The following HPSE2 variants were observed in gnomAD, a reference collection of about 807,000 sequenced individuals.
HPSE2 encodes the protein heparanase 2 (inactive), also known as inactive heparanase-2.
In HPSE2, 38 loss-of-function variants were observed where a neutral mutation model predicts 60.5. That is an observed-to-expected ratio of 0.63 (90% CI 0.48 to 0.82). HPSE2 has a LOEUF of 0.82. HPSE2 is among the 40% of genes least tolerant of loss of function. HPSE2 has a pLI of 0.00. For synonymous variants in HPSE2, 295 were observed against 293.2 expected, an observed-to-expected ratio of 1.01 and a Z score of -0.06; for missense variants, 713 against 740.4, an observed-to-expected ratio of 0.96 and a Z score of 0.43.
At chr10:98,533,938 A>G (rs1170021361) in intron 9 of HPSE2, among the ~76,000 whole-genome samples, 1 of 152,194 alleles carries the variant, frequency 6.6e-6, no homozygotes, top group African/African-American at 2.4e-5. Context: ...GTCCTCAGAG[A>G]GCAATTAACC....
At chr10:98,837,562 T>C (rs967909480) in intron 3 of HPSE2, among the ~76,000 whole-genome samples, 1 of 151,918 alleles carries the variant, frequency 6.6e-6, no homozygotes, top group Non-Finnish European at 1.5e-5. Flanking sequence ...AGAGAAGAAA[T>C]GGGATCTAAG....
chr10:99,284,729 G>A, the HPSE2 span, among the ~76,000 whole-genome samples: 1 of 152,112 alleles, frequency 6.6e-6, no homozygotes, highest in South Asian at 2.1e-4. Flanking sequence ...TACGAATGTA[G>A]GTTTGTTACA....
intron 8 of HPSE2, among the ~76,000 whole-genome samples, chr10:98,618,872 T>G (rs1246555094): frequency 6.6e-6 from 1 of 152,106 alleles, no homozygotes; most frequent in Non-Finnish European, 1.5e-5. Context: ...CCACGGTGCC[T>G]GGCTGGGAGT....
intron 6 of HPSE2, among the ~76,000 whole-genome samples, chr10:98,692,452 C>T (rs1402125934): frequency 1.3e-5 from 2 of 151,764 alleles, no homozygotes; most frequent in Non-Finnish European, 2.9e-5. Context: ...GATCCTCTAG[C>T]TTACTCAATC....
chr10:99,080,210 T>TA (rs1843088177), intron 3 of HPSE2, among the ~76,000 whole-genome samples: 1 of 152,082 alleles, frequency 6.6e-6, no homozygotes, highest in Admixed American at 6.5e-5. Context: ...ATGTCTTATT[T>TA]AAAAAAATTC....
chr10:98,983,487 G>A (rs184889226), intron 3 of HPSE2, among the ~76,000 whole-genome samples: 66 of 152,316 alleles, frequency 4.3e-4, no homozygotes, highest in Non-Finnish European at 7.6e-4. Flanking sequence ...AATCCACAAC[G>A]TATGGAGATT....
chr10:99,130,997 G>C (rs987842553), intron 3 of HPSE2, among the ~76,000 whole-genome samples: 3 of 152,132 alleles, frequency 2.0e-5, no homozygotes, highest in African/African-American at 7.2e-5. Context: ...GGAAAAGGGA[G>C]AGTCTAAAAA....
At chr10:99,132,165 GA>G (rs765095989) in intron 3 of HPSE2, among the ~76,000 whole-genome samples, 6 of 58,722 alleles carry the variant, frequency 1.0e-4, no homozygotes, top group East Asian at 4.7e-4. Flanking sequence ...AAGAAAGAAA[GA>G]AAGAAAGAAA....
intron 3 of HPSE2, among the ~76,000 whole-genome samples, chr10:98,843,022 T>G (rs1951953009): frequency 1.3e-5 from 2 of 152,306 alleles, no homozygotes; most frequent in South Asian, 4.1e-4. Context: ...CGTGGCTTGA[T>G]AGCTCACTTC....
intron 3 of HPSE2, among the ~76,000 whole-genome samples, chr10:98,996,137 G>C (rs192784641): frequency 6.6e-6 from 1 of 152,206 alleles, no homozygotes; most frequent in East Asian, 1.9e-4. Flanking sequence ...CTACAGATTG[G>C]TTAATGATAT....
chr10:98,897,155 AT>A (rs1953515937), intron 3 of HPSE2, among the ~76,000 whole-genome samples: 1 of 152,066 alleles, frequency 6.6e-6, no homozygotes, highest in African/African-American at 2.4e-5. Flanking sequence ...AGGCATAAGA[AT>A]TATATAATGG....
chr10:98,985,497 A>T (rs1956319241), intron 3 of HPSE2, among the ~76,000 whole-genome samples: 1 of 152,232 alleles, frequency 6.6e-6, no homozygotes, highest in African/African-American at 2.4e-5. Context: ...GGAAGCACTA[A>T]ACATGGAAAG....
chr10:98,654,436 A>G (rs1165624711), intron 6 of HPSE2, among the ~76,000 whole-genome samples: 1 of 152,026 alleles, frequency 6.6e-6, no homozygotes, highest in Non-Finnish European at 1.5e-5. Flanking sequence ...ACCTTTCTGA[A>G]TTTCAGTTTG....
intron 9 of HPSE2, among the ~76,000 whole-genome samples, chr10:98,544,987 A>G (rs1350211427): frequency 6.6e-6 from 1 of 151,982 alleles, no homozygotes; most frequent in Non-Finnish European, 1.5e-5. Context: ...CACCAACCCC[A>G]CAGAAATACA....
intron 2 of HPSE2, among the ~76,000 whole-genome samples, chr10:99,200,508 A>C (rs925914097): frequency 2.6e-5 from 4 of 152,126 alleles, no homozygotes; most frequent in African/African-American, 9.7e-5. Flanking sequence ...TACAACCTTC[A>C]ACAAGTTATT....
intron 3 of HPSE2, among the ~76,000 whole-genome samples, chr10:99,105,385 T>C (rs1057512797): frequency 1.3e-5 from 2 of 152,118 alleles, no homozygotes; most frequent in African/African-American, 4.8e-5. Context: ...ATATCTTCTT[T>C]GGAAAAATGT....
At chr10:98,755,790 G>A (rs1949864812) in intron 3 of HPSE2, among the ~76,000 whole-genome samples, 1 of 152,148 alleles carries the variant, frequency 6.6e-6, no homozygotes, top group Non-Finnish European at 1.5e-5. Flanking sequence ...GATGTCAGGA[G>A]ATCGAGACCA....
intron 5 of HPSE2, among the ~76,000 whole-genome samples, chr10:98,719,479 A>G (rs1390326374): frequency 1.3e-5 from 2 of 152,028 alleles, no homozygotes; most frequent in South Asian, 4.1e-4. Flanking sequence ...TCTTAACAAA[A>G]TGAAACAAAA....
At chr10:98,467,959 GC>G (rs1465585714) in intron 11 of HPSE2, among the ~76,000 whole-genome samples, 4 of 152,228 alleles carry the variant, frequency 2.6e-5, no homozygotes, top group Non-Finnish European at 4.4e-5. Context: ...TGCGGCGCCC[GC>G]CACGACTCGG....
Sources: allele counts gnomAD v4.1 joint callset (sites outside exome capture counted in the v4.1 genomes callset), GRCh38; gene constraint gnomAD v4.1.1; transcripts MANE v1.5; gene names NCBI Gene and HGNC (gene_info 2026-07-23, HGNC 2026-07-21).